TMTC2: variants seen among roughly 807,000 people sequenced by gnomAD.
TMTC2 encodes protein O-mannosyl-transferase TMTC2.
Under a neutral mutation model 82.4 loss-of-function variants are expected in TMTC2, and 43 were observed. The ratio of observed to expected loss-of-function variants is 0.52; its 90% CI spans 0.41 to 0.67. The LOEUF (loss-of-function observed/expected upper bound fraction) is 0.67. Among genes scored for constraint, TMTC2 ranks in the 30% least tolerant of loss-of-function variants. The probability of loss-of-function intolerance (pLI) is 0.00; values close to 1 mark genes in which losing one functional copy is unlikely to be tolerated. For synonymous variants in TMTC2, 408 were observed against 381.9 expected, an observed-to-expected ratio of 1.07 and a Z score of -0.80; for missense variants, 919 against 1,012.4, an observed-to-expected ratio of 0.91 and a Z score of 1.25.
At chr12:82,951,702 G>GTTATA (rs1877355824) in intron 4 of TMTC2, among the ~76,000 whole-genome samples, 1 of 152,126 alleles carries the variant, frequency 6.6e-6, no homozygotes, top group Non-Finnish European at 1.5e-5. Context: ...ATAGAATAAC[G>GTTATA]TAGCAGTATT....
chr12:82,790,228 A>T (rs1878398160), intron 1 of TMTC2, among the ~76,000 whole-genome samples: 1 of 150,738 alleles, frequency 6.6e-6, no homozygotes, highest in Non-Finnish European at 1.5e-5. Context: ...GTTGTCATGG[A>T]CAGTCTTGTG....
At chr12:83,057,244 A>G in intron 10 of TMTC2, among the ~76,000 whole-genome samples, 1 of 151,990 alleles carries the variant, frequency 6.6e-6, no homozygotes, top group East Asian at 1.9e-4. Flanking sequence ...CCGTGAAAGA[A>G]TAGTCTTAAA....
intron 1 of TMTC2, among the ~76,000 whole-genome samples, chr12:82,696,282 G>A (rs555785685): frequency 2.6e-5 from 4 of 152,204 alleles, no homozygotes; most frequent in East Asian, 1.9e-4. Flanking sequence ...ACCTGAATTC[G>A]TTTGGTAAAC....
intron 7 of TMTC2, among the ~76,000 whole-genome samples, chr12:82,984,197 GAT>G (rs1879053879): frequency 6.6e-6 from 1 of 151,854 alleles, no homozygotes; most frequent in African/African-American, 2.4e-5. Flanking sequence ...CTTAAGTGCA[GAT>G]ATGTTTTAAA....
intron 3 of TMTC2, among the ~76,000 whole-genome samples, chr12:82,924,828 C>T (rs946713409): frequency 1.2e-4 from 19 of 152,056 alleles, no homozygotes; most frequent in Non-Finnish European, 2.1e-4. Flanking sequence ...AGTGACATTT[C>T]GAAAATGAAA....
chr12:82,805,570 C>T lies in TMTC2; in HGVS notation c.84-51440C>T, dbSNP rs184509734. ...TCACCCAGGCTGGAGTGAAGTGGCG[C>T]GATCTTGGCTCACTGTAAGCTCCGT... On this transcript the variant is annotated intron_variant, in intron 1 of 11. Transcript: ENST00000321196. Among the ~76,000 whole-genome samples the T allele has an allele frequency of 1.9e-3, 268 of 138,522 alleles. 1 individual carries two copies. Among genetic ancestry groups the T allele is most frequent in the African/African-American group, 6.2e-3 (225 of 36,174 alleles). The allele number at this position is 138,522 out of a possible 152,430, so 90.9% of individuals were successfully genotyped here. A position where few individuals can be genotyped will look rare whatever the true frequency, so the allele number is the denominator to read the frequency against.
At chr12:82,747,516 T>G (rs1231992619) in intron 1 of TMTC2, among the ~76,000 whole-genome samples, 1 of 152,198 alleles carries the variant, frequency 6.6e-6, no homozygotes, top group Non-Finnish European at 1.5e-5. Context: ...TCTGTCATAA[T>G]GCCAAGTGTA....
intron 1 of TMTC2, among the ~76,000 whole-genome samples, chr12:82,727,307 C>T (rs1874510998): frequency 6.6e-6 from 1 of 151,814 alleles, no homozygotes; most frequent in Non-Finnish European, 1.5e-5. Context: ...ACATATATAA[C>T]CATTTGTATT....
intron 10 of TMTC2, among the ~76,000 whole-genome samples, chr12:83,059,566 GT>G (rs144733718): frequency 1.3e-5 from 2 of 151,558 alleles, no homozygotes; most frequent in African/African-American, 4.8e-5. Flanking sequence ...TCCTAGTGGG[GT>G]TTTTTTCCCA....
At chr12:82,884,239 C>T (rs1872976746) in intron 2 of TMTC2, among the ~76,000 whole-genome samples, 1 of 152,174 alleles carries the variant, frequency 6.6e-6, no homozygotes, top group African/African-American at 2.4e-5. Flanking sequence ...GAATGGGTCA[C>T]CATGCCAACC....
At chr12:82,771,138 CAG>C (rs1211992964) in intron 1 of TMTC2, among the ~76,000 whole-genome samples, 2 of 148,048 alleles carry the variant, frequency 1.4e-5, no homozygotes, top group Non-Finnish European at 3.0e-5. Flanking sequence ...ACCTTGGAGG[CAG>C]AGATTGCAGT....
chr12:82,978,511 G>A (rs1008326006), intron 7 of TMTC2, among the ~76,000 whole-genome samples: 11 of 151,406 alleles, frequency 7.3e-5, no homozygotes, highest in Non-Finnish European at 1.3e-4. Flanking sequence ...AATTTCTCTC[G>A]TTATTGATTT....
At chr12:82,801,003 CA>C (rs1878969698) in intron 1 of TMTC2, among the ~76,000 whole-genome samples, 1 of 152,140 alleles carries the variant, frequency 6.6e-6, no homozygotes, top group South Asian at 2.1e-4. Flanking sequence ...TGTTTCTCAA[CA>C]GTATTTATTT....
At chr12:82,849,810 C>T (rs200889009) in intron 1 of TMTC2, among the ~76,000 whole-genome samples, 4 of 152,210 alleles carry the variant, frequency 2.6e-5, no homozygotes, top group Non-Finnish European at 2.9e-5. Flanking sequence ...TGATTGGATC[C>T]GGCTACACTA....
chr12:82,792,690 C>G (rs925796496), intron 1 of TMTC2, among the ~76,000 whole-genome samples: 2 of 151,910 alleles, frequency 1.3e-5, no homozygotes, highest in African/African-American at 2.4e-5. Context: ...TGCCTCTGCT[C>G]GTCTTGAATG....
chr12:82,902,729 A>G (rs2137194003), intron 3 of TMTC2, among the ~76,000 whole-genome samples: 1 of 152,130 alleles, frequency 6.6e-6, no homozygotes, highest in Non-Finnish European at 1.5e-5. Context: ...GGAGGGAGAG[A>G]GTCAAGGGTT....
intron 1 of TMTC2, among the ~76,000 whole-genome samples, chr12:82,728,446 C>T (rs190292073): frequency 9.7e-4 from 148 of 152,156 alleles, no homozygotes; most frequent in African/African-American, 3.3e-3. Flanking sequence ...CCAGGCTGGG[C>T]GCGGTGGCTC....
At chr12:82,965,138 T>TA (rs758785293) in intron 5 of TMTC2, 29 bp downstream of exon 5, 1 of 1,508,204 alleles carries the variant, frequency 6.6e-7, no homozygotes, top group Non-Finnish European at 9.1e-7. Context: ...TTTATTTTTT[T>TA]ATACCTCTTT....
chr12:83,040,997 C>G (rs1380642630), intron 9 of TMTC2, among the ~76,000 whole-genome samples: 1 of 152,052 alleles, frequency 6.6e-6, no homozygotes, highest in Non-Finnish European at 1.5e-5. Context: ...CAACATTTTT[C>G]AATACAAAAA....
Sources: gnomAD v4.1 joint callset for allele counts (sites outside exome capture counted in the v4.1 genomes callset) on GRCh38, gnomAD v4.1.1 for gene constraint, MANE v1.5 for transcripts, NCBI Gene and HGNC (gene_info 2026-07-23, HGNC 2026-07-21) for gene names.